The following SUCLG1 variants were observed in gnomAD, a reference collection of about 807,000 sequenced individuals.
SUCLG1 encodes succinate-CoA ligase GDP/ADP-forming subunit alpha, also known as succinate--CoA ligase [ADP/GDP-forming] subunit alpha, mitochondrial.
A neutral mutation model predicts 37.3 loss-of-function variants in SUCLG1; 26 were observed. The observed-to-expected ratio is 0.70, with a 90% confidence interval of 0.51 to 0.97. SUCLG1 has a LOEUF of 0.97. Ranked by LOEUF, SUCLG1 falls within the 50% of genes least tolerant of loss-of-function variation. The probability of loss-of-function intolerance (pLI) is 0.00; values close to 1 mark genes in which losing one functional copy is unlikely to be tolerated. For synonymous variants in SUCLG1, 163 were observed against 155.6 expected, an observed-to-expected ratio of 1.05 and a Z score of -0.36; for missense variants, 433 against 432.9, an observed-to-expected ratio of 1.00 and a Z score of 0.00.
Position 84,423,705 on chromosome 2 carries a change from T to C in SUCLG1, c.*41A>G. 6.3e-7 allele frequency: 1 copy of C among 1,577,850 alleles called. No individual in the cohort carries two copies. Among genetic ancestry groups the C allele is most frequent in the Non-Finnish European group, 8.7e-7 (1 of 1,154,132 alleles). On this transcript the variant is annotated 3_prime_UTR_variant, in exon 9 of 9. Coordinates refer to ENST00000393868, the MANE Select transcript of SUCLG1 (RefSeq NM_003849.4). ...GCAAACTGCTGCTGGGTTACATGTC[T>C]ACGTGATCCATTCCACAGTTTTAGG...
chr2:84,434,235 T>C (rs1672651657), intron 5 of SUCLG1, among the ~76,000 whole-genome samples: 1 of 152,212 alleles, frequency 6.6e-6, no homozygotes, highest in Non-Finnish European at 1.5e-5. Flanking sequence ...CCCAAACTAT[T>C]AAACCATCAA....
intron 3 of SUCLG1, among the ~76,000 whole-genome samples, chr2:84,442,210 G>T (rs1437556533): frequency 6.8e-6 from 1 of 146,432 alleles, no homozygotes; most frequent in Non-Finnish European, 1.5e-5. Flanking sequence ...CAAAAGAAAA[G>T]TCAACCTAGA....
chr2:84,453,330 C>T (rs1672968815), intron 1 of SUCLG1, among the ~76,000 whole-genome samples: 1 of 151,974 alleles, frequency 6.6e-6, no homozygotes, highest in Admixed American at 6.6e-5. Context: ...CTGATAAAGG[C>T]CATGAACAAG....
At position 84,449,661 on chromosome 2, in the gene SUCLG1, G is replaced by C; in HGVS notation, c.189C>G (p.Phe63Leu). 1 of 1,595,504 alleles carries C rather than the reference G, an allele frequency of 6.3e-7. No homozygotes were observed. The highest frequency in any genetic ancestry group is 8.5e-7 in the Non-Finnish European group (1 of 1,171,198). The change falls in exon 2 of 9, where the codon TTC becomes TTG. Residue 63 changes from phenylalanine to leucine, a missense_variant. Transcript: ENST00000393868. ...DKNTKIICQGFTGKQGTFHSQ... is the reference protein window; with the variant it reads ...DKNTKIICQGLTGKQGTFHSQ... ...TAGATATACATACCTGTTTGCCAGT[G>C]AAACCCTGGCAAATAATCTTTGTAT...
chr2:84,449,017 C>A, intron 2 of SUCLG1: 2 of 313,178 alleles, frequency 6.4e-6, no homozygotes, highest in South Asian at 2.8e-5. Flanking sequence ...AATTGCATCA[C>A]AGATATATTT....
intron 2 of SUCLG1, among the ~76,000 whole-genome samples, chr2:84,448,325 T>C (rs1344381352): frequency 6.6e-6 from 1 of 152,070 alleles, no homozygotes; most frequent in African/African-American, 2.4e-5. Context: ...TGACAATATT[T>C]TCTATGGCTG....
intron 1 of SUCLG1, among the ~76,000 whole-genome samples, chr2:84,452,494 C>T (rs76560596): frequency 0.015 from 2,253 of 152,200 alleles, 45 homozygotes; most frequent in East Asian, 0.066. Context: ...TATCTTCACA[C>T]GATATACATG....
intron 8 of SUCLG1, among the ~76,000 whole-genome samples, chr2:84,424,429 A>G (rs1483341769): frequency 6.6e-6 from 1 of 152,138 alleles, no homozygotes; most frequent in Non-Finnish European, 1.5e-5. Context: ...CCTTCAAATA[A>G]AATTATTTCT....
chr2:84,424,536 C>T (rs1672503438), intron 8 of SUCLG1, among the ~76,000 whole-genome samples: 1 of 152,112 alleles, frequency 6.6e-6, no homozygotes, highest in Non-Finnish European at 1.5e-5. Context: ...AAAAAGGAGT[C>T]CACTTTATTT....
rs557530893 is a variant in SUCLG1 at position 84,458,860 on chromosome 2, C to A, written c.97+313G>T. 3.3e-4 allele frequency among the ~76,000 whole-genome samples: 51 copies of A among 152,308 alleles called. 1 individual carries two copies. The South Asian group carries it at 5.6e-3, about 17-fold the overall frequency. On this transcript the variant is annotated intron_variant, in intron 1 of 8. Transcript: ENST00000393868. ...CCAAATAAGGCCAGTCTAGACGCCA[C>A]CCCCATCCTGTCATTTGTCACCGCG...
intron 5 of SUCLG1, 134 bp from the exon 6 acceptor site, chr2:84,433,569 A>G (rs1672641715): frequency 6.6e-6 from 5 of 758,448 alleles, no homozygotes; most frequent in Non-Finnish European, 1.2e-5. Context: ...ATCAAAATCA[A>G]TAGTATCTTC....
chr2:84,448,268 T>C (rs1253221670), intron 2 of SUCLG1, among the ~76,000 whole-genome samples: 1 of 151,970 alleles, frequency 6.6e-6, no homozygotes, highest in Non-Finnish European at 1.5e-5. Flanking sequence ...GCCCACTACC[T>C]GGTTTTGTAA....
At chr2:84,425,702 C>T in intron 7 of SUCLG1, 99 bp from the exon 8 acceptor site, 1 of 1,337,084 alleles carries the variant, frequency 7.5e-7, no homozygotes, top group South Asian at 1.2e-5. Context: ...ATGGCTTGGG[C>T]AGGGGAAAGC....
intron 5 of SUCLG1, chr2:84,433,773 C>T: frequency 3.1e-6 from 1 of 327,794 alleles, no homozygotes; most frequent in South Asian, 2.9e-5. Flanking sequence ...ACTAATCATA[C>T]CTACAGTGGC....
chr2:84,445,221 G>A (rs1672831798), intron 2 of SUCLG1, among the ~76,000 whole-genome samples: 1 of 152,090 alleles, frequency 6.6e-6, no homozygotes. Flanking sequence ...ATTAATTTGG[G>A]GAACTAATAA....
intron 1 of SUCLG1, among the ~76,000 whole-genome samples, chr2:84,453,072 T>C (rs1032951422): frequency 2.0e-5 from 3 of 152,202 alleles, no homozygotes; most frequent in Non-Finnish European, 4.4e-5. Context: ...TCCCCAAAGC[T>C]ACATTAATCT....
In SUCLG1 at chr2:84,459,113, T is replaced by C. The variant is rs111529460; in HGVS notation, c.97+60A>G. ...CCCAGCCGCGGCCTGGGCCAGGAGG[T>C]TGGGTCCGGCGGGGCCAATAACCCG... On this transcript the variant is annotated intron_variant, in intron 1 of 8. Coordinates refer to ENST00000393868, the MANE Select transcript of SUCLG1 (RefSeq NM_003849.4). 2.2e-3 allele frequency: 3,307 copies of C among 1,494,420 alleles called. 56 individuals are homozygous for C. In the African/African-American group the frequency reaches 0.04, roughly 18 times the overall value. 92.6% of individuals were successfully genotyped at this position (1,494,420 alleles called of 1,614,324 possible). A position where few individuals can be genotyped will look rare whatever the true frequency, so the allele number is the denominator to read the frequency against.
At chr2:84,431,751 T>G (rs1252412446) in intron 6 of SUCLG1, 92 bp from the exon 7 acceptor site, 2 of 1,313,472 alleles carry the variant, frequency 1.5e-6, no homozygotes, top group Admixed American at 3.7e-5. Context: ...TTGTCATTTT[T>G]CTTACCCTTC....
chr2:84,427,977 T>G (rs900437231), intron 7 of SUCLG1, among the ~76,000 whole-genome samples: 1 of 152,218 alleles, frequency 6.6e-6, no homozygotes, highest in African/African-American at 2.4e-5. Context: ...CTACTCTGGT[T>G]CGACTGACTG....
Sources: allele counts gnomAD v4.1 joint callset (sites outside exome capture counted in the v4.1 genomes callset), GRCh38; gene constraint gnomAD v4.1.1; transcripts MANE v1.5; gene names NCBI Gene and HGNC (gene_info 2026-07-23, HGNC 2026-07-21).